Variants in METTL27 observed in about 807,000 individuals in gnomAD.
METTL27 encodes methyltransferase like 27, also known as methyltransferase-like protein 27.
Under a neutral mutation model 24.5 loss-of-function variants are expected in METTL27, and 29 were observed. That is an observed-to-expected ratio of 1.18 (90% CI 0.88 to 1.61). The LOEUF (loss-of-function observed/expected upper bound fraction) is 1.61. METTL27 is among the 40% of genes most tolerant of loss of function. The pLI, the probability that METTL27 is intolerant of heterozygous loss-of-function variation, is 0.00. For synonymous variants in METTL27, 138 were observed against 146.8 expected (o/e 0.94, Z 0.43); for missense variants, 341 against 324.3 (o/e 1.05, Z -0.40).
chr7:73,842,117 G>A lies in METTL27; in HGVS notation c.24C>T (p.Ser8=), dbSNP rs147667923. The A allele has an allele frequency of 1.9e-6, 3 of 1,612,502 alleles. No homozygotes were observed. Among genetic ancestry groups the A allele is most frequent in the Admixed American group, 1.7e-5 (1 of 59,920 alleles). Residue 8 remains serine (S), a synonymous_variant, in exon 2 of 6, where the codon AGC becomes AGT. Transcript: ENST00000297873. ...TGACCCGCGCCCGCACCTCGGGCAG[G>A]CTCCCACCCTCCTCCTGGGCCATGC... MAQEEGG[S]LPEVRARVRA... is the part of the protein sequence containing the mutation.
In METTL27 at chr7:73,834,819, G is replaced by T; in HGVS notation, c.662C>A (p.Ser221Tyr). ...LPPSWRWYPA[S>Y]LPRMASSPAL... is the part of the protein sequence containing the mutation. The stretch of plus-strand genomic sequence containing the variant: ...CGGAGATGAAGCCATCCTTGGCAGA[G>T]ATGCCGGATACCACCTCCAGCTCGG... Residue 221 changes from serine (S) to tyrosine (Y), a missense_variant, in exon 6 of 6, where the codon TCT becomes TAT. Physicochemically the swap from Ser to Tyr is moderately radical, Grantham distance 144. Transcript: ENST00000297873. 1 of 1,614,174 alleles carries T rather than the reference G, an allele frequency of 6.2e-7. No individual in the cohort carries two copies. The highest frequency in any genetic ancestry group is 8.5e-7 in the Non-Finnish European group (1 of 1,180,038).
In METTL27 at chr7:73,834,726, G is replaced by A. The variant is rs782447901; in HGVS notation, c.*17C>T. The A allele has an allele frequency of 6.2e-7, 1 of 1,606,416 alleles. No individual in the cohort carries two copies. The highest frequency in any genetic ancestry group is 8.5e-7 in the Non-Finnish European group (1 of 1,175,250). ...CCACATGGAGTCAGGGGCCAGCTGGGGGCTGGGGGCTGGATCTCACTTCCT... is the reference window on the plus strand; with the variant it reads ...CCACATGGAGTCAGGGGCCAGCTGGAGGCTGGGGGCTGGATCTCACTTCCT... On this transcript the variant is annotated 3_prime_UTR_variant, in exon 6 of 6. Transcript: ENST00000297873.
Position 73,834,977 on chromosome 7 carries a change from C to T in METTL27, c.504G>A (p.Arg168=), listed in dbSNP as rs74852682. 126 of 1,612,784 alleles carry T rather than the reference C, an allele frequency of 7.8e-5. 1 individual carries two copies. In the East Asian group the frequency reaches 1.3e-3, roughly 17 times the overall value. The change falls in exon 6 of 6, where the codon AGG becomes AGA. Residue 168 remains arginine, a synonymous_variant. Transcript: ENST00000297873. ...TGTATTGAAGGTTGGACGAGTTGGT[C>T]CTGGTGGTCAGACACACCAGCCCAC... ...KPGGLVCLTT[R]TNSSNLQYKE...
intron 5 of METTL27, chr7:73,839,736 T>G: frequency 2.6e-6 from 1 of 379,410 alleles, no homozygotes; most frequent in Non-Finnish European, 4.7e-6. Context: ...CTACGGGGAC[T>G]GGATTGTAGC....
At chr7:73,840,283 T>G in intron 4 of METTL27, 131 bp downstream of exon 4, 2 of 1,483,620 alleles carry the variant, frequency 1.3e-6, no homozygotes, top group Non-Finnish European at 1.8e-6. Context: ...AGTTCTGGGC[T>G]GCAGTCAGAT....
chr7:73,840,493 C>T lies in METTL27; in HGVS notation c.309G>A (p.Leu103=), dbSNP rs782628294. 6.2e-7 allele frequency: 1 copy of T among 1,611,324 alleles called. No homozygotes were observed. Among genetic ancestry groups the T allele is most frequent in the Non-Finnish European group, 8.5e-7 (1 of 1,179,270 alleles). ...LHGVDGSPGM[L]EQAQAPGLYQ... is the part of the protein sequence containing the mutation. ...AGAGGCCGGGGGCCTGGGCCTGTTC[C>T]AGCATCCCTGGGCTCCCATCCACCC... Residue 103 remains leucine (L), a synonymous_variant, in exon 4 of 6, where the codon CTG becomes CTA. Coordinates refer to ENST00000297873, the MANE Select transcript of METTL27 (RefSeq NM_152559.3).
chr7:73,838,254 C>T (rs782600091), intron 5 of METTL27, among the ~76,000 whole-genome samples: 11 of 152,154 alleles, frequency 7.2e-5, no homozygotes, highest in Non-Finnish European at 1.6e-4. Flanking sequence ...TCTGAATGGA[C>T]AGGAAGAAAG....
intron 5 of METTL27, among the ~76,000 whole-genome samples, chr7:73,836,212 C>T (rs868972560): frequency 7.8e-3 from 322 of 41,436 alleles, no homozygotes; most frequent in East Asian, 0.011. Context: ...CCAGCCGCCC[C>T]GTCCGGGAGG....
At chr7:73,841,013 G>A (rs1346576054) in intron 3 of METTL27, 57 bp downstream of exon 3, 3 of 1,409,748 alleles carry the variant, frequency 2.1e-6, no homozygotes, top group Non-Finnish European at 2.8e-6. Context: ...AGGGGCAGTA[G>A]GAGATTTGAG....
intron 4 of METTL27, 145 bp from the exon 5 acceptor site, chr7:73,840,265 T>C: frequency 6.8e-7 from 1 of 1,461,564 alleles, no homozygotes; most frequent in South Asian, 1.4e-5. Context: ...ATAAGGTAAG[T>C]ATGGCCCAGT....
At chr7:73,835,188 T>A in intron 5 of METTL27, 186 bp from the exon 6 acceptor site, 1 of 606,956 alleles carries the variant, frequency 1.6e-6, no homozygotes, top group African/African-American at 2.9e-5. Flanking sequence ...CTCCTCTCCC[T>A]CCTCTCCCTC....
At chr7:73,841,874 T>G in intron 2 of METTL27, 144 bp downstream of exon 2, 2 of 1,355,070 alleles carry the variant, frequency 1.5e-6, no homozygotes, top group Non-Finnish European at 2.0e-6. Flanking sequence ...GTGGGGCGGG[T>G]TCTGGAAGGG....
chr7:73,842,254 C>T, intron 1 of METTL27, 110 bp from the exon 2 acceptor site: 1 of 1,471,720 alleles, frequency 6.8e-7, no homozygotes, highest in Non-Finnish European at 9.0e-7. Flanking sequence ...CCTGCCAGCG[C>T]GACCCCTATC....
At chr7:73,835,812 G>A (rs1451902715) in intron 5 of METTL27, among the ~76,000 whole-genome samples, 1 of 106,116 alleles carries the variant, frequency 9.4e-6, no homozygotes, top group Non-Finnish European at 2.2e-5. Flanking sequence ...AGTGAGGAGC[G>A]TCTCTGCCCG....
chr7:73,842,243 T>C, intron 1 of METTL27, 99 bp from the exon 2 acceptor site: 1 of 1,490,120 alleles, frequency 6.7e-7, no homozygotes, highest in Non-Finnish European at 8.9e-7. Flanking sequence ...CTGCCAGGCC[T>C]CCTGCCAGCG....
chr7:73,837,202 G>T (rs868979479), intron 5 of METTL27, among the ~76,000 whole-genome samples: 53 of 142,382 alleles, frequency 3.7e-4, no homozygotes, highest in Admixed American at 1.7e-3. Context: ...CACTTGTTTA[G>T]CTGCTGACCT....
chr7:73,835,140 TCTC>T lies in METTL27; in HGVS notation c.479-141_479-139del, dbSNP rs199960038. ...GACGCTCTCTCCCTCTCCCTCTCCCTCTCCCTCTCCCTCCTCTCCCTCCTCTCC... is the reference window on the plus strand; with the variant it reads ...GACGCTCTCTCCCTCTCCCTCTCCCTCCTCTCCCTCCTCTCCCTCCTCTCC... On this transcript the variant is annotated intron_variant, in intron 5 of 5. Transcript: ENST00000297873. 1.3e-3 allele frequency: 1,619 copies of T among 1,286,808 alleles called. 5 individuals carry two copies. Among genetic ancestry groups the T allele is most frequent in the East Asian group, 4.1e-3 (145 of 35,172 alleles). The allele number at this position is 1,286,808 out of a possible 1,614,324, so 79.7% of individuals were successfully genotyped here.
intron 5 of METTL27, among the ~76,000 whole-genome samples, chr7:73,836,185 G>GCA (rs1788185129): frequency 7.8e-5 from 10 of 127,830 alleles, no homozygotes; most frequent in Non-Finnish European, 1.3e-4. Flanking sequence ...AGGTAGGGGG[G>GCA]TCAGCCCCCC....
At position 73,841,131 on chromosome 7, in the gene METTL27, C is replaced by T. The variant is rs782216883; in HGVS notation, c.191G>A (p.Gly64Asp). ...CAGGATCAGGGCACTGTGGGGCGGG[C>T]CTGGAAGGGCTTGTGTGAGGCAGTC... ...AVDCLTQALPGPPHSALILDV... is the reference protein window; with the variant it reads ...AVDCLTQALPDPPHSALILDV... Residue 64 changes from glycine (G) to aspartate (D), a missense_variant, in exon 3 of 6, where the codon GGC becomes GAC. Physicochemically the swap from Gly to Asp is moderately conservative, Grantham distance 94. Coordinates refer to ENST00000297873, the MANE Select transcript of METTL27 (RefSeq NM_152559.3). 6 of 1,537,868 alleles carry T rather than the reference C, an allele frequency of 3.9e-6. No individual in the cohort carries two copies. The highest frequency in any genetic ancestry group is 5.1e-5 in the East Asian group (2 of 39,006).
Sources: allele counts gnomAD v4.1 joint callset (sites outside exome capture counted in the v4.1 genomes callset), GRCh38; gene constraint gnomAD v4.1.1; transcripts MANE v1.5; gene names NCBI Gene and HGNC (gene_info 2026-07-23, HGNC 2026-07-21).